The following CNTNAP2 variants were observed in gnomAD, a reference collection of about 807,000 sequenced individuals.
CNTNAP2 encodes contactin-associated protein-like 2.
A neutral mutation model predicts 155.2 loss-of-function variants in CNTNAP2; 98 were observed. That is an observed-to-expected ratio of 0.63 (90% CI 0.54 to 0.75). The LOEUF (loss-of-function observed/expected upper bound fraction) is 0.75. CNTNAP2 is among the 30% of genes least tolerant of loss of function. The probability of loss-of-function intolerance (pLI) is 0.00; values close to 1 mark genes in which losing one functional copy is unlikely to be tolerated. For synonymous variants in CNTNAP2, 651 were observed against 631.2 expected, an observed-to-expected ratio of 1.03 and a Z score of -0.47; for missense variants, 1,727 against 1,688.1, an observed-to-expected ratio of 1.02 and a Z score of -0.40.
At chr7:146,523,697 C>T (rs80073875) in intron 1 of CNTNAP2, among the ~76,000 whole-genome samples, 1,625 of 152,086 alleles carry the variant, frequency 0.011, 17 homozygotes, top group Non-Finnish European at 0.018. Flanking sequence ...GTCTTTTGAC[C>T]TAAATGGTGA....
At chr7:148,333,675 G>C (rs1798069233) in intron 21 of CNTNAP2, among the ~76,000 whole-genome samples, 1 of 152,164 alleles carries the variant, frequency 6.6e-6, no homozygotes, top group Non-Finnish European at 1.5e-5. Context: ...AGACTACTGG[G>C]AAAGGGATTC....
chr7:148,367,903 A>T (rs1465934972), intron 21 of CNTNAP2, among the ~76,000 whole-genome samples: 3 of 152,186 alleles, frequency 2.0e-5, no homozygotes, highest in Non-Finnish European at 4.4e-5. Flanking sequence ...ACATGTACAG[A>T]CAGTTAAAAG....
At chr7:146,491,401 G>A (rs1376089267) in intron 1 of CNTNAP2, among the ~76,000 whole-genome samples, 1 of 151,800 alleles carries the variant, frequency 6.6e-6, no homozygotes. Flanking sequence ...TGATCCCAAA[G>A]TAAGGGAAAA....
chr7:147,523,487 G>A (rs1025022985), intron 11 of CNTNAP2, among the ~76,000 whole-genome samples: 11 of 152,200 alleles, frequency 7.2e-5, no homozygotes, highest in Non-Finnish European at 1.5e-4. Flanking sequence ...AGGAGTTGGG[G>A]ATCCTTTGGG....
At chr7:148,091,006 G>A (rs1803829777) in intron 15 of CNTNAP2, among the ~76,000 whole-genome samples, 1 of 152,096 alleles carries the variant, frequency 6.6e-6, no homozygotes, top group Non-Finnish European at 1.5e-5. Context: ...CTTACATGTG[G>A]AGGGTAAAAA....
At chr7:146,224,760 C>T (rs1441812862) in intron 1 of CNTNAP2, among the ~76,000 whole-genome samples, 2 of 152,142 alleles carry the variant, frequency 1.3e-5, no homozygotes, top group South Asian at 2.1e-4. Context: ...CAGAGCGAAA[C>T]TCCGTCTCAA....
At chr7:146,123,002 T>G (rs1797584949) in intron 1 of CNTNAP2, among the ~76,000 whole-genome samples, 2 of 152,206 alleles carry the variant, frequency 1.3e-5, no homozygotes, top group Admixed American at 1.3e-4. Flanking sequence ...AAACTCTTCT[T>G]TAGTTCACTT....
chr7:146,800,690 G>C (rs1203209678), intron 2 of CNTNAP2, among the ~76,000 whole-genome samples: 3 of 152,076 alleles, frequency 2.0e-5, no homozygotes, highest in Non-Finnish European at 4.4e-5. Context: ...ACAGTACCTG[G>C]AATATCAGTT....
At chr7:146,175,051 A>G (rs767436626) in intron 1 of CNTNAP2, among the ~76,000 whole-genome samples, 4 of 152,120 alleles carry the variant, frequency 2.6e-5, no homozygotes, top group East Asian at 3.9e-4. Context: ...TATTCATTCA[A>G]TATGAATTTA....
At chr7:148,316,158 T>C (rs565567814) in intron 21 of CNTNAP2, among the ~76,000 whole-genome samples, 127 of 152,090 alleles carry the variant, frequency 8.4e-4, no homozygotes, top group Non-Finnish European at 9.7e-4. Flanking sequence ...AGGTTAACAA[T>C]CTACATAGAG....
chr7:148,356,823 C>T (rs904690719), intron 21 of CNTNAP2, among the ~76,000 whole-genome samples: 1 of 151,824 alleles, frequency 6.6e-6, no homozygotes, highest in Non-Finnish European at 1.5e-5. Flanking sequence ...TGACACTTCG[C>T]TTCAATCTCA....
At chr7:146,617,985 G>C (rs1799254532) in intron 1 of CNTNAP2, among the ~76,000 whole-genome samples, 1 of 151,814 alleles carries the variant, frequency 6.6e-6, no homozygotes, top group African/African-American at 2.4e-5. Context: ...GGTTTTATTT[G>C]GTTTGCTTTT....
intron 13 of CNTNAP2, among the ~76,000 whole-genome samples, chr7:147,710,353 C>T (rs1796384905): frequency 1.3e-5 from 2 of 152,178 alleles, no homozygotes; most frequent in Non-Finnish European, 2.9e-5. Flanking sequence ...TTCCCACCAT[C>T]ACCACTCCTG....
At chr7:147,995,876 C>G (rs532308320) in intron 15 of CNTNAP2, among the ~76,000 whole-genome samples, 7 of 152,318 alleles carry the variant, frequency 4.6e-5, no homozygotes, top group African/African-American at 1.7e-4. Context: ...TTGAGCTGAT[C>G]CTTTGTATCT....
At chr7:148,007,633 T>G (rs950054428) in intron 15 of CNTNAP2, among the ~76,000 whole-genome samples, 3 of 152,206 alleles carry the variant, frequency 2.0e-5, no homozygotes, top group Non-Finnish European at 4.4e-5. Flanking sequence ...ATTGAGCTTG[T>G]GCTGTATGGT....
intron 11 of CNTNAP2, among the ~76,000 whole-genome samples, chr7:147,540,441 G>A (rs567751751): frequency 1.3e-5 from 2 of 152,246 alleles, no homozygotes; most frequent in South Asian, 4.1e-4. Context: ...ATTTAAACAA[G>A]TCTGCCTATA....
intron 1 of CNTNAP2, among the ~76,000 whole-genome samples, chr7:146,269,326 G>A (rs1326865146): frequency 8.0e-5 from 12 of 150,760 alleles, no homozygotes; most frequent in South Asian, 2.1e-4. Flanking sequence ...GTGACAGAGC[G>A]AGACTCCATC....
intron 13 of CNTNAP2, among the ~76,000 whole-genome samples, chr7:147,726,726 A>T (rs939372788): frequency 6.6e-6 from 1 of 152,032 alleles, no homozygotes; most frequent in Non-Finnish European, 1.5e-5. Context: ...TAAATACATG[A>T]TTTAATGTAA....
chr7:146,582,431 T>C (rs982922801), intron 1 of CNTNAP2, among the ~76,000 whole-genome samples: 9 of 152,124 alleles, frequency 5.9e-5, no homozygotes, highest in Admixed American at 2.0e-4. Context: ...CCCAAAGACA[T>C]AGGCTATCAT....
Sources: allele counts gnomAD v4.1 joint callset (sites outside exome capture counted in the v4.1 genomes callset), GRCh38; gene constraint gnomAD v4.1.1; transcripts MANE v1.5; gene names NCBI Gene and HGNC (gene_info 2026-07-23, HGNC 2026-07-21).